MED12L: variants seen among roughly 807,000 people sequenced by gnomAD.
MED12L encodes the protein mediator of RNA polymerase II transcription subunit 12-like protein.
In MED12L, 60 loss-of-function variants were observed where a neutral mutation model predicts 281.3. That is an observed-to-expected ratio of 0.21 (90% CI 0.17 to 0.26). The LOEUF (loss-of-function observed/expected upper bound fraction) is 0.26. MED12L is among the 10% of genes least tolerant of loss of function. MED12L has a pLI of 1.00. For missense variants in MED12L, 2,146 were observed against 2,680.9 expected (o/e 0.80, Z 4.41); for synonymous variants, 974 against 987.2 (o/e 0.99, Z 0.25).
intron 5 of MED12L, among the ~76,000 whole-genome samples, chr3:151,130,129 C>T (rs936678865): frequency 1.3e-5 from 2 of 152,164 alleles, no homozygotes; most frequent in African/African-American, 4.8e-5. Flanking sequence ...TTACTAGCCA[C>T]CTTCACTTTG....
intron 38 of MED12L, 46 bp downstream of exon 38, chr3:151,390,181 T>C (rs768280007): frequency 1.3e-6 from 2 of 1,585,262 alleles, no homozygotes; most frequent in South Asian, 2.2e-5. Flanking sequence ...AGAAACAGCT[T>C]GTGGTTCTCT....
intron 2 of MED12L, among the ~76,000 whole-genome samples, chr3:151,104,099 C>T (rs1721718523): frequency 6.6e-6 from 1 of 151,894 alleles, no homozygotes; most frequent in African/African-American, 2.4e-5. Flanking sequence ...TTTGTTGGTC[C>T]CCACAGTTCG....
At chr3:151,324,449 T>C (rs1456577952) in intron 16 of MED12L, among the ~76,000 whole-genome samples, 1 of 152,142 alleles carries the variant, frequency 6.6e-6, no homozygotes, top group East Asian at 1.9e-4. Flanking sequence ...AAATATAGCA[T>C]GGGAGACTGG....
chr3:151,295,849 CAAAA>C (rs1559995644), intron 16 of MED12L, among the ~76,000 whole-genome samples: 1 of 152,032 alleles, frequency 6.6e-6, no homozygotes, highest in Non-Finnish European at 1.5e-5. Context: ...AGTGAACAGA[CAAAA>C]AAAGTCCTGG....
chr3:151,148,435 T>C (rs1011224393), intron 5 of MED12L, among the ~76,000 whole-genome samples: 1 of 152,264 alleles, frequency 6.6e-6, no homozygotes, highest in African/African-American at 2.4e-5. Flanking sequence ...TGACATGTAC[T>C]GAAATTTTTG....
rs1727467542 is a variant in MED12L, at chr3:151,213,194, G to C, written c.2250+19528G>C. On this transcript the variant is annotated intron_variant, in intron 16 of 44. Coordinates refer to ENST00000687756, the MANE Select transcript of MED12L (RefSeq NM_001393769.1). ...TTATTGAACTAAATTGGATGGCAGTGCTAGAGATGATATTTATGATGAGGG... is the reference window on the plus strand; with the variant it reads ...TTATTGAACTAAATTGGATGGCAGTCCTAGAGATGATATTTATGATGAGGG... 5.8e-6 allele frequency: 5 copies of C among 863,466 alleles called. No individual in the cohort carries two copies. The East Asian group carries it at 1.2e-4, about 21-fold the overall frequency. The allele number at this position is 863,466 out of a possible 1,614,324, so 53.5% of individuals were successfully genotyped here. A position where few individuals can be genotyped will look rare whatever the true frequency, so the allele number is the denominator to read the frequency against.
intron 16 of MED12L, among the ~76,000 whole-genome samples, chr3:151,238,010 G>A (rs2149362270): frequency 6.6e-6 from 1 of 152,178 alleles, no homozygotes; most frequent in Non-Finnish European, 1.5e-5. Context: ...CACTTTTAAA[G>A]TTATATTTCA....
chr3:151,086,995 C>T lies in MED12L; in HGVS notation c.69C>T (p.Asp23=), dbSNP rs750149170. Residue 23 remains aspartate, a synonymous_variant, in exon 2 of 45, where the codon GAC becomes GAT. Transcript: ENST00000687756. ...AGCGCCCCCGGCTCGGGCCGCCCGA[C>T]GTCTACCCACAGGACCCCAAGCAGA... ...PLKRPRLGPP[D]VYPQDPKQKE... is the part of the protein sequence containing the mutation. The T allele has an allele frequency of 8.1e-6, 13 of 1,610,206 alleles. No homozygotes were observed. Among genetic ancestry groups the T allele is most frequent in the Middle Eastern group, 1.7e-4 (1 of 6,038 alleles).
chr3:151,258,951 G>T (rs1375033293), intron 16 of MED12L, among the ~76,000 whole-genome samples: 1 of 151,968 alleles, frequency 6.6e-6, no homozygotes, highest in Non-Finnish European at 1.5e-5. Flanking sequence ...GTTAGCCTCT[G>T]CAGGCTTCGC....
intron 16 of MED12L, among the ~76,000 whole-genome samples, chr3:151,341,089 T>C (rs1751761820): frequency 6.6e-6 from 1 of 152,148 alleles, no homozygotes; most frequent in Non-Finnish European, 1.5e-5. Context: ...CTTGCTTTCT[T>C]GGGTGGTTAA....
At chr3:151,255,328 A>C (rs1458110598) in intron 16 of MED12L, among the ~76,000 whole-genome samples, 1 of 152,092 alleles carries the variant, frequency 6.6e-6, no homozygotes, top group Non-Finnish European at 1.5e-5. Flanking sequence ...TGTGACTTAA[A>C]TATCTACCTT....
chr3:151,259,430 C>G (rs1250667081), intron 16 of MED12L, among the ~76,000 whole-genome samples: 1 of 152,150 alleles, frequency 6.6e-6, no homozygotes, highest in Non-Finnish European at 1.5e-5. Flanking sequence ...GGTCTTCTAA[C>G]TTATTAGTCA....
intron 2 of MED12L, among the ~76,000 whole-genome samples, chr3:151,095,336 A>AT (rs984764388): frequency 4.0e-5 from 6 of 151,884 alleles, no homozygotes; most frequent in African/African-American, 1.2e-4. Context: ...ACTTAATTTC[A>AT]TTTTTTTTCT....
intron 40 of MED12L, among the ~76,000 whole-genome samples, chr3:151,410,790 A>G (rs1288894568): frequency 1.3e-5 from 2 of 152,244 alleles, no homozygotes; most frequent in African/African-American, 2.4e-5. Context: ...TACTACACAC[A>G]CATTTATCAG....
chr3:151,199,655 GT>G (rs1021091116), intron 16 of MED12L, among the ~76,000 whole-genome samples: 1 of 151,542 alleles, frequency 6.6e-6, no homozygotes, highest in Non-Finnish European at 1.5e-5. Flanking sequence ...TCCCATGCAG[GT>G]TTGCTTTTGG....
At chr3:151,202,034 C>T (rs917295341) in intron 16 of MED12L, among the ~76,000 whole-genome samples, 3 of 152,088 alleles carry the variant, frequency 2.0e-5, no homozygotes, top group Non-Finnish European at 4.4e-5. Flanking sequence ...CGATATATAC[C>T]GTACATGAAT....
intron 39 of MED12L, among the ~76,000 whole-genome samples, chr3:151,407,284 T>C (rs981035691): frequency 3.3e-5 from 5 of 152,246 alleles, no homozygotes; most frequent in Non-Finnish European, 5.9e-5. Flanking sequence ...ATCTGCTTTA[T>C]GCATCTGAAT....
At chr3:151,093,023 G>T (rs921272580) in intron 2 of MED12L, among the ~76,000 whole-genome samples, 3 of 152,202 alleles carry the variant, frequency 2.0e-5, no homozygotes, top group Admixed American at 2.0e-4. Context: ...CTCTGCAGCC[G>T]AATGTGAAAG....
intron 43 of MED12L, 79 bp from the exon 44 acceptor site, chr3:151,430,219 GC>G: frequency 6.3e-7 from 1 of 1,593,614 alleles, no homozygotes; most frequent in Non-Finnish European, 8.6e-7. Context: ...TTACAGACTG[GC>G]CCTGCGAGTT....
Sources: allele counts gnomAD v4.1 joint callset (sites outside exome capture counted in the v4.1 genomes callset), GRCh38; gene constraint gnomAD v4.1.1; transcripts MANE v1.5; gene names NCBI Gene and HGNC (gene_info 2026-07-23, HGNC 2026-07-21).